Variants in PIGG observed in about 807,000 individuals in gnomAD.
The protein encoded by PIGG is GPI ethanolamine phosphate transferase 2, catalytic subunit.
A neutral mutation model predicts 83.2 loss-of-function variants in PIGG; 70 were observed. The ratio of observed to expected loss-of-function variants is 0.84; its 90% CI spans 0.69 to 1.03. PIGG has a LOEUF of 1.03. PIGG is among the 50% of genes least tolerant of loss of function. PIGG has a pLI of 0.00. For synonymous variants in PIGG, 532 were observed against 519.5 expected, an observed-to-expected ratio of 1.02 and a Z score of -0.33; for missense variants, 1,257 against 1,233.6, an observed-to-expected ratio of 1.02 and a Z score of -0.28.
In PIGG at chr4:539,254, T is replaced by G; in HGVS notation, c.2837T>G (p.Phe946Cys). ...VLVTSLRYHL[F>C]IWSVFSPKLL... Reference sequence around the variant, plus strand: ...GTGACATCTCTGCGTTATCATTTATTTATATGGAGTGTATTTTCTCCAAAA... The same window carrying G: ...GTGACATCTCTGCGTTATCATTTATGTATATGGAGTGTATTTTCTCCAAAA... Residue 946 changes from phenylalanine to cysteine, a missense_variant, in exon 13 of 13, where the codon TTT becomes TGT. Phe to Cys is a radical substitution (Grantham distance 205, BLOSUM62 -2). Coordinates refer to ENST00000453061, the MANE Select transcript of PIGG (RefSeq NM_001127178.3). The G allele has an allele frequency of 4.3e-6, 7 of 1,611,834 alleles. No homozygotes were observed. Among genetic ancestry groups the G allele is most frequent in the Non-Finnish European group, 5.9e-6 (7 of 1,177,846 alleles).
In PIGG at chr4:523,409, G is replaced by A. The variant is rs7678962; in HGVS notation, c.1615-50G>A. ...GCAAGGACTTGACATGCAGCAAGAT[G>A]TGTGTCGTTATCAGACCGTCTCTTA... On this transcript the variant is annotated intron_variant, in intron 8 of 12. Transcript: ENST00000453061. 0.14 allele frequency: 176,601 copies of A among 1,290,978 alleles called. 14,493 individuals are homozygous for A. Among genetic ancestry groups the A allele is most frequent in the African/African-American group, 0.34 (23,240 of 68,204 alleles). The allele number at this position is 1,290,978 out of a possible 1,614,324, so 80.0% of individuals were successfully genotyped here.
intron 12 of PIGG, 82 bp from the exon 13 acceptor site, chr4:539,071 G>A: frequency 1.1e-6 from 1 of 881,756 alleles, no homozygotes; most frequent in Non-Finnish European, 1.9e-6. Context: ...AGCTACTGGA[G>A]TCTTTTTGAA....
intron 3 of PIGG, 143 bp downstream of exon 3, chr4:506,070 T>C: frequency 1.6e-6 from 1 of 637,142 alleles, no homozygotes; most frequent in Non-Finnish European, 2.7e-6. Flanking sequence ...GGTGTAAAAA[T>C]TATTCACTCA....
At chr4:510,270 A>T (rs1054654365) in intron 5 of PIGG, among the ~76,000 whole-genome samples, 6 of 152,236 alleles carry the variant, frequency 3.9e-5, no homozygotes, top group Non-Finnish European at 5.9e-5. Context: ...TGGGAAACGA[A>T]GGGATGGGCT....
chr4:508,484 C>T (rs1553881186), intron 4 of PIGG, among the ~76,000 whole-genome samples: 1 of 152,214 alleles, frequency 6.6e-6, no homozygotes, highest in African/African-American at 2.4e-5. Flanking sequence ...GTGAAAGATT[C>T]CATTTGACAG....
intron 5 of PIGG, 45 bp downstream of exon 5, chr4:509,015 G>A: frequency 6.5e-7 from 1 of 1,532,628 alleles, no homozygotes; most frequent in Non-Finnish European, 9.0e-7. Context: ...TATTACATTT[G>A]TTTTCTATAG....
Position 528,619 on chromosome 4 carries a change from T to C in PIGG, c.2261+1389T>C. The C allele has an allele frequency of 1.0e-6, 1 of 985,340 alleles. No individual in the cohort carries two copies. Among genetic ancestry groups the C allele is most frequent in the Non-Finnish European group, 1.2e-6 (1 of 829,858 alleles). The allele number at this position is 985,340 out of a possible 1,614,324, so 61.0% of individuals were successfully genotyped here. ...TGTTCTGTGGAGATGTCTCAAAGGC[T>C]GTTGACTTTGGAATCTGAGACTTAG... is the stretch of plus-strand genomic sequence containing the variant. On this transcript the variant is annotated intron_variant, in intron 10 of 12. Coordinates refer to ENST00000453061, the MANE Select transcript of PIGG (RefSeq NM_001127178.3). The surrounding 1 kb of genome is among the most constrained non-coding windows in gnomAD (Gnocchi z 4.8).
intron 7 of PIGG, 140 bp downstream of exon 7, chr4:521,413 T>G (rs1166766877): frequency 1.4e-6 from 1 of 696,962 alleles, no homozygotes; most frequent in Non-Finnish European, 2.4e-6. Context: ...TTTCGTGGTG[T>G]GTCCTGATTT....
At chr4:499,830 C>T (rs1576987529) in intron 1 of PIGG, 4 of 763,766 alleles carry the variant, frequency 5.2e-6, no homozygotes, top group Non-Finnish European at 6.9e-6. Context: ...TATAGGCGCC[C>T]TTTTTGCCCC....
In PIGG at chr4:499,328, T is replaced by C. The variant is rs782236225; in HGVS notation, c.-8T>C. Reference sequence around the variant, plus strand: ...GGTCGGTTCCGCATCCAGCCTAGCGTGTCCACGATGCGGCTGGGCTCCGGG... The same window carrying C: ...GGTCGGTTCCGCATCCAGCCTAGCGCGTCCACGATGCGGCTGGGCTCCGGG... On this transcript the variant is annotated 5_prime_UTR_variant, in exon 1 of 13. Coordinates refer to ENST00000453061, the MANE Select transcript of PIGG (RefSeq NM_001127178.3). The C allele has an allele frequency of 1.7e-5, 27 of 1,606,130 alleles. No individual in the cohort carries two copies. In the Admixed American group the frequency reaches 4.0e-4, roughly 24 times the overall value.
At chr4:524,869 G>T (rs772650651) in intron 9 of PIGG, 1 of 152,192 alleles carries the variant, frequency 6.6e-6, no homozygotes, top group Non-Finnish European at 1.5e-5. Flanking sequence ...TGTTGGCTGG[G>T]CTGGCCTTGA....
In PIGG at chr4:527,230, A is replaced by C; in HGVS notation, c.2261A>C (p.Lys754Thr). The C allele has an allele frequency of 6.3e-7, 1 of 1,585,024 alleles. No individual in the cohort carries two copies. Among genetic ancestry groups the C allele is most frequent in the Non-Finnish European group, 8.6e-7 (1 of 1,165,750 alleles). Reference sequence around the variant, plus strand: ...CGGCCGGACAGCAAGGACATTTCCAAGTAAGTGCGTGGCGGACACGGGGTG... The same window carrying C: ...CGGCCGGACAGCAAGGACATTTCCACGTAAGTGCGTGGCGGACACGGGGTG... Reference protein sequence around the residue: ...PWRPDSKDISKGIIEARFVYV... With the variant: ...PWRPDSKDISTGIIEARFVYV... Residue 754 changes from lysine (K) to threonine (T), a missense_variant and splice_region_variant, in exon 10 of 13, where the codon AAG becomes ACG. Lys to Thr is a moderately conservative substitution (Grantham distance 78, BLOSUM62 -1). Coordinates refer to ENST00000453061, the MANE Select transcript of PIGG (RefSeq NM_001127178.3).
At chr4:505,995 T>C in intron 3 of PIGG, 68 bp downstream of exon 3, 2 of 1,063,562 alleles carry the variant, frequency 1.9e-6, no homozygotes, top group Non-Finnish European at 1.4e-6. Context: ...GGCATCCCAT[T>C]ACTTAGTGAG....
chr4:507,691 A>G, intron 4 of PIGG, 98 bp downstream of exon 4: 1 of 1,020,544 alleles, frequency 9.8e-7, no homozygotes, highest in Non-Finnish European at 1.4e-6. Context: ...TGCCTGTGTG[A>G]ATGTCCACCA....
intron 12 of PIGG, among the ~76,000 whole-genome samples, chr4:537,605 G>A (rs536920735): frequency 6.6e-6 from 1 of 152,340 alleles, no homozygotes; most frequent in Non-Finnish European, 1.5e-5. Flanking sequence ...GGTGACCAGC[G>A]GTACGGGTTT....
At chr4:517,945 G>A (rs1313352814) in intron 6 of PIGG, among the ~76,000 whole-genome samples, 3 of 152,244 alleles carry the variant, frequency 2.0e-5, no homozygotes, top group Non-Finnish European at 2.9e-5. Context: ...TTAATGTGGT[G>A]TTGGCAGATT....
At chr4:513,848 A>G (rs1723012488) in intron 5 of PIGG, among the ~76,000 whole-genome samples, 1 of 152,148 alleles carries the variant, frequency 6.6e-6, no homozygotes, top group African/African-American at 2.4e-5. Context: ...ACTGGTCACA[A>G]ACCAATCAAA....
At position 499,304 on chromosome 4, in the gene PIGG, G is replaced by T; in HGVS notation, c.-32G>T. ...GCAGCAGGGCGAGGCTCCAGGTGGG[G>T]TCGGTTCCGCATCCAGCCTAGCGTG... On this transcript the variant is annotated 5_prime_UTR_variant, in exon 1 of 13. Transcript: ENST00000453061. 6.3e-7 allele frequency: 1 copy of T among 1,599,054 alleles called. No individual in the cohort carries two copies. The highest frequency in any genetic ancestry group is 8.5e-7 in the Non-Finnish European group (1 of 1,178,108).
intron 12 of PIGG, among the ~76,000 whole-genome samples, chr4:535,859 A>G (rs555314454): frequency 6.6e-6 from 1 of 152,190 alleles, no homozygotes; most frequent in East Asian, 1.9e-4. Flanking sequence ...TCCCCAGACC[A>G]GCTCCTGAGA....
Sources: gnomAD v4.1 joint callset for allele counts (sites outside exome capture counted in the v4.1 genomes callset) on GRCh38, gnomAD v4.1.1 for gene constraint, Gnocchi (gnomAD v3.1) non-coding constraint, MANE v1.5 for transcripts, NCBI Gene and HGNC (gene_info 2026-07-23, HGNC 2026-07-21) for gene names.